Variants in RYR3 observed in about 807,000 individuals in gnomAD.
RYR3 encodes ryanodine receptor 3, also known as brain ryanodine receptor-calcium release channel.
A neutral mutation model predicts 584.3 loss-of-function variants in RYR3; 207 were observed. That is an observed-to-expected ratio of 0.35 (90% CI 0.32 to 0.40). The LOEUF is 0.40. RYR3 is among the 10% of genes least tolerant of loss of function. The pLI, the probability that RYR3 is intolerant of heterozygous loss-of-function variation, is 1.00. For missense variants in RYR3, 5,616 were observed against 6,089.2 expected, an observed-to-expected ratio of 0.92 and a Z score of 2.59; for synonymous variants, 2,416 against 2,248.5, an observed-to-expected ratio of 1.07 and a Z score of -2.11.
At chr15:33,736,467 A>G in intron 49 of RYR3, 142 bp downstream of exon 49, 1 of 583,906 alleles carries the variant, frequency 1.7e-6, no homozygotes, top group Middle Eastern at 3.4e-4. Flanking sequence ...CTAACAAGAT[A>G]GATCCCACAA....
intron 66 of RYR3, among the ~76,000 whole-genome samples, chr15:33,786,280 A>T (rs1030783313): frequency 2.6e-5 from 4 of 152,144 alleles, no homozygotes; most frequent in African/African-American, 9.7e-5. Context: ...TGATTTTGGT[A>T]CTCAAGAATC....
intron 43 of RYR3, among the ~76,000 whole-genome samples, chr15:33,720,261 G>C (rs2044039868): frequency 6.6e-6 from 1 of 152,198 alleles, no homozygotes; most frequent in African/African-American, 2.4e-5. Context: ...TACACCTGTG[G>C]TCTGAGGTAG....
intron 19 of RYR3, among the ~76,000 whole-genome samples, chr15:33,617,805 A>C (rs137971344): frequency 1.3e-5 from 2 of 152,374 alleles, no homozygotes; most frequent in Non-Finnish European, 2.9e-5. Context: ...TTTTTCAATT[A>C]GATTTACCCA....
intron 1 of RYR3, among the ~76,000 whole-genome samples, chr15:33,337,345 G>T (rs935782987): frequency 2.6e-5 from 4 of 152,096 alleles, no homozygotes; most frequent in Non-Finnish European, 5.9e-5. Context: ...GTATTACCAA[G>T]AAAGTTTTCT....
chr15:33,684,025 C>T (rs2064818662), intron 38 of RYR3, among the ~76,000 whole-genome samples: 1 of 152,380 alleles, frequency 6.6e-6, no homozygotes. Context: ...GCAAGGCCTA[C>T]TGCCTCTATA....
chr15:33,415,206 T>C (rs1416136438), intron 1 of RYR3, among the ~76,000 whole-genome samples: 1 of 152,230 alleles, frequency 6.6e-6, no homozygotes, highest in Non-Finnish European at 1.5e-5. Flanking sequence ...TTTAGATATA[T>C]TGGGTTGAGT....
intron 19 of RYR3, among the ~76,000 whole-genome samples, chr15:33,622,096 A>G (rs1049559687): frequency 1.3e-5 from 2 of 152,198 alleles, no homozygotes; most frequent in African/African-American, 2.4e-5. Context: ...GACTATTTCA[A>G]GAGTCTCCCA....
At chr15:33,435,447 G>A (rs2045600100) in intron 1 of RYR3, among the ~76,000 whole-genome samples, 1 of 152,108 alleles carries the variant, frequency 6.6e-6, no homozygotes, top group Non-Finnish European at 1.5e-5. Context: ...TGTATAGTTT[G>A]GGGCTCTGGA....
chr15:33,475,047 GTTT>G (rs750196278), intron 2 of RYR3, among the ~76,000 whole-genome samples: 2 of 151,838 alleles, frequency 1.3e-5, no homozygotes, highest in Admixed American at 6.6e-5. Context: ...AGGTTTTTTT[GTTT>G]TTTTGTTTTG....
At chr15:33,687,644 C>T (rs1391681229) in intron 38 of RYR3, among the ~76,000 whole-genome samples, 1 of 152,202 alleles carries the variant, frequency 6.6e-6, no homozygotes, top group African/African-American at 2.4e-5. Flanking sequence ...GGAGGCATCA[C>T]ACTACTGATT....
At chr15:33,387,135 T>C (rs1490563956) in intron 1 of RYR3, among the ~76,000 whole-genome samples, 1 of 152,122 alleles carries the variant, frequency 6.6e-6, no homozygotes, top group Non-Finnish European at 1.5e-5. Flanking sequence ...GGGATTACAG[T>C]CGTGAGACAC....
intron 80 of RYR3, among the ~76,000 whole-genome samples, chr15:33,822,017 C>CATTCATTCATTCATTCATT (rs2077134217): frequency 1.3e-4 from 19 of 151,536 alleles, no homozygotes; most frequent in African/African-American, 3.9e-4. Context: ...GTTCGTTCAT[C>CATTCATTCATTCATTCATT]CATTCATTCA....
chr15:33,503,576 G>A, intron 2 of RYR3, 55 bp from the exon 3 acceptor site: 1 of 1,038,708 alleles, frequency 9.6e-7, no homozygotes, highest in Non-Finnish European at 1.5e-6. Context: ...GTTGTTGCGT[G>A]ACTGATCTCT....
At chr15:33,493,470 T>C (rs1450194600) in intron 2 of RYR3, among the ~76,000 whole-genome samples, 1 of 152,202 alleles carries the variant, frequency 6.6e-6, no homozygotes, top group Non-Finnish European at 1.5e-5. Flanking sequence ...AGTGGTTGCT[T>C]ATTTATGGCT....
At chr15:33,812,810 A>G in intron 72 of RYR3, 53 bp from the exon 73 acceptor site, 1 of 1,572,174 alleles carries the variant, frequency 6.4e-7, no homozygotes, top group Non-Finnish European at 8.7e-7. Flanking sequence ...AGGCTTCTTC[A>G]GTATAAGAAG....
intron 1 of RYR3, among the ~76,000 whole-genome samples, chr15:33,405,700 A>G (rs1244096136): frequency 1.3e-5 from 2 of 152,146 alleles, no homozygotes; most frequent in Non-Finnish European, 2.9e-5. Context: ...CAGAAACCCA[A>G]CTCAAATGAG....
intron 12 of RYR3, among the ~76,000 whole-genome samples, chr15:33,569,371 T>A (rs1330245628): frequency 2.0e-5 from 3 of 152,214 alleles, no homozygotes; most frequent in African/African-American, 7.2e-5. Flanking sequence ...CATCCCAAAC[T>A]GAAACTCTGT....
intron 1 of RYR3, among the ~76,000 whole-genome samples, chr15:33,352,679 A>G (rs1459285167): frequency 6.6e-6 from 1 of 152,246 alleles, no homozygotes; most frequent in African/African-American, 2.4e-5. Context: ...AACAATGCAT[A>G]GAATATTATT....
rs780485798 is a variant in RYR3 at position 33,330,018 on chromosome 15, TC to T, written c.51+18923del. On this transcript the variant is annotated intron_variant, in intron 1 of 103. Transcript: ENST00000634891. ...ATAAGTGCACAAACCCTGAGGTCCT[TC>T]AGGGCAGTCTTCTTACCCAGGCCTA... Among the ~76,000 whole-genome samples the T allele has an allele frequency of 7.8e-4, 119 of 152,228 alleles. 3 individuals carry two copies. Among genetic ancestry groups the T allele is most frequent in the Non-Finnish European group, 5.9e-5 (4 of 68,004 alleles).
Sources: gnomAD v4.1 joint callset for allele counts (sites outside exome capture counted in the v4.1 genomes callset) on GRCh38, gnomAD v4.1.1 for gene constraint, MANE v1.5 for transcripts, NCBI Gene and HGNC (gene_info 2026-07-23, HGNC 2026-07-21) for gene names.